EYA2: variants seen among roughly 807,000 people sequenced by gnomAD.
The protein encoded by EYA2 is protein phosphatase EYA2.
Under a neutral mutation model 69.2 loss-of-function variants are expected in EYA2, and 31 were observed. That is an observed-to-expected ratio of 0.45 (90% CI 0.34 to 0.60). The LOEUF is 0.60. Ranked by LOEUF, EYA2 falls within the 20% of genes least tolerant of loss-of-function variation. EYA2 has a pLI of 0.02. For missense variants in EYA2, 622 were observed against 701.2 expected, an observed-to-expected ratio of 0.89 and a Z score of 1.28; for synonymous variants, 257 against 279.4, an observed-to-expected ratio of 0.92 and a Z score of 0.80.
intron 9 of EYA2, among the ~76,000 whole-genome samples, chr20:47,138,713 C>T (rs570908505): frequency 3.3e-5 from 5 of 151,894 alleles, no homozygotes; most frequent in African/African-American, 9.7e-5. Flanking sequence ...CAAGATTGTG[C>T]CACTCTACTC....
intron 2 of EYA2, among the ~76,000 whole-genome samples, chr20:46,994,930 C>T (rs1032081434): frequency 1.3e-5 from 2 of 149,140 alleles, no homozygotes; most frequent in Non-Finnish European, 3.0e-5. Context: ...GACCGAGTTT[C>T]GCTCTTGCGA....
intron 5 of EYA2, among the ~76,000 whole-genome samples, chr20:47,066,052 T>A (rs1017450844): frequency 6.6e-6 from 1 of 152,178 alleles, no homozygotes; most frequent in Non-Finnish European, 1.5e-5. Context: ...TAAAAATTGT[T>A]TTGCTGGCTG....
intron 9 of EYA2, among the ~76,000 whole-genome samples, chr20:47,103,164 G>T (rs2032472325): frequency 6.6e-6 from 1 of 152,026 alleles, no homozygotes; most frequent in African/African-American, 2.4e-5. Flanking sequence ...GTAATTTTTA[G>T]TATATTCACA....
At chr20:46,947,157 T>C (rs1306487823) in intron 1 of EYA2, among the ~76,000 whole-genome samples, 2 of 152,186 alleles carry the variant, frequency 1.3e-5, no homozygotes, top group Non-Finnish European at 2.9e-5. Flanking sequence ...AATGGCTGGC[T>C]GAGAAGCAGA....
intron 1 of EYA2, among the ~76,000 whole-genome samples, chr20:46,952,276 G>C (rs1370178776): frequency 6.6e-6 from 1 of 152,034 alleles, no homozygotes; most frequent in African/African-American, 2.4e-5. Context: ...GGGCTTGAGG[G>C]ACCACCACTA....
Position 47,135,832 on chromosome 20 carries a change from AAAAAAAAAACAAACAAACAAAC to A in EYA2, c.889-7220_889-7199del, listed in dbSNP as rs1337432936. 7.5e-4 allele frequency among the ~76,000 whole-genome samples: 62 copies of A among 83,134 alleles called. 2 individuals are homozygous for A. The highest frequency in any genetic ancestry group is 4.2e-3 in the African/African-American group (55 of 13,072). 54.5% of individuals were successfully genotyped at this position (83,134 alleles called of 152,430 possible). A position where few individuals can be genotyped will look rare whatever the true frequency, so the allele number is the denominator to read the frequency against. On this transcript the variant is annotated intron_variant, in intron 9 of 15. Transcript: ENST00000327619. ...CCCTGTCTCTACAAAAAAAAAAAAA[AAAAAAAAAACAAACAAACAAAC>A]AAAAAACTAATTAATTAATTAATTA...
chr20:46,899,117 C>T (rs960480692), intron 1 of EYA2, among the ~76,000 whole-genome samples: 2 of 152,184 alleles, frequency 1.3e-5, no homozygotes, highest in African/African-American at 2.4e-5. Flanking sequence ...GAAACTGAGT[C>T]GCAGGTCAAA....
intron 1 of EYA2, among the ~76,000 whole-genome samples, chr20:46,971,053 T>G (rs528621214): frequency 3.6e-4 from 54 of 149,644 alleles, no homozygotes; most frequent in Middle Eastern, 6.8e-3. Flanking sequence ...ATTTTTGCAG[T>G]GTTTTTGAAA....
At chr20:47,163,033 ACT>A (rs1491368064) in intron 10 of EYA2, among the ~76,000 whole-genome samples, 1 of 123,566 alleles carries the variant, frequency 8.1e-6, no homozygotes, top group Non-Finnish European at 1.7e-5. Context: ...TGGGTGTATC[ACT>A]CTTTTTTTTT....
At chr20:46,970,965 G>A (rs1429555989) in intron 1 of EYA2, among the ~76,000 whole-genome samples, 1 of 151,984 alleles carries the variant, frequency 6.6e-6, no homozygotes, top group African/African-American at 2.4e-5. Context: ...AATAGATGGA[G>A]TGGAAATGGG....
chr20:47,127,015 T>G (rs1035006258), intron 9 of EYA2, among the ~76,000 whole-genome samples: 3 of 152,104 alleles, frequency 2.0e-5, no homozygotes, highest in Non-Finnish European at 4.4e-5. Flanking sequence ...GCTCAAATGC[T>G]CACTCTAGAA....
At chr20:47,028,881 C>G (rs1467547633) in intron 5 of EYA2, among the ~76,000 whole-genome samples, 1 of 151,956 alleles carries the variant, frequency 6.6e-6, no homozygotes, top group East Asian at 1.9e-4. Context: ...CCGGGGTAGC[C>G]CCACCCCATT....
intron 5 of EYA2, among the ~76,000 whole-genome samples, chr20:47,045,770 T>C (rs2868860): frequency 0.13 from 20,007 of 152,104 alleles, 1,363 homozygotes; most frequent in South Asian, 0.21. Flanking sequence ...TATATGCGGG[T>C]TTGGGAGTAG....
intron 5 of EYA2, among the ~76,000 whole-genome samples, chr20:47,054,440 A>G (rs911251226): frequency 6.6e-6 from 1 of 152,176 alleles, no homozygotes; most frequent in African/African-American, 2.4e-5. Context: ...CGTCAGTTTC[A>G]CTGATTCCGT....
intron 5 of EYA2, among the ~76,000 whole-genome samples, chr20:47,053,723 A>G (rs2030459263): frequency 1.3e-5 from 2 of 149,920 alleles, no homozygotes; most frequent in African/African-American, 4.9e-5. Flanking sequence ...ACCAATCATC[A>G]CCCAAGGAGG....
intron 10 of EYA2, among the ~76,000 whole-genome samples, chr20:47,166,393 TAAAAAAAAAAAAAAAAA>T (rs370944686): frequency 0.018 from 609 of 34,472 alleles, 5 homozygotes; most frequent in Non-Finnish European, 0.026. Context: ...CAAGACTGTC[TAAAAAAAAAAAAAAAAA>T]AAAAAAAAAA....
chr20:46,973,652 GGAAAAACCGT>G (rs1230369969), intron 1 of EYA2, among the ~76,000 whole-genome samples: 3 of 152,102 alleles, frequency 2.0e-5, no homozygotes, highest in African/African-American at 7.2e-5. Context: ...AGACACATTT[GGAAAAACCGT>G]GAACATTGTT....
At chr20:46,998,853 A>T (rs1982190693) in intron 2 of EYA2, among the ~76,000 whole-genome samples, 1 of 152,232 alleles carries the variant, frequency 6.6e-6, no homozygotes, top group African/African-American at 2.4e-5. Flanking sequence ...TTTTTTCAAA[A>T]ATCACACAAT....
chr20:47,188,407 G>A lies in EYA2; in HGVS notation c.*274G>A, dbSNP rs1421111753. On this transcript the variant is annotated 3_prime_UTR_variant, in exon 16 of 16. Transcript: ENST00000327619. ...CTTCTGTAAGACTCACAGAACAAAAGCAAGGAATTGCTGATTTGGGGGGTG... is the reference window on the plus strand; with the variant it reads ...CTTCTGTAAGACTCACAGAACAAAAACAAGGAATTGCTGATTTGGGGGGTG... 3.5e-6 allele frequency: 2 copies of A among 564,848 alleles called. No individual in the cohort carries two copies. The highest frequency in any genetic ancestry group is 6.3e-6 in the Non-Finnish European group (2 of 317,806). The allele number at this position is 564,848 out of a possible 1,614,324, so 35.0% of individuals were successfully genotyped here.
Sources: allele counts gnomAD v4.1 joint callset (sites outside exome capture counted in the v4.1 genomes callset), GRCh38; gene constraint gnomAD v4.1.1; transcripts MANE v1.5; gene names NCBI Gene and HGNC (gene_info 2026-07-23, HGNC 2026-07-21).